The following GLRA2 variants were observed in gnomAD, a reference collection of about 807,000 sequenced individuals.
GLRA2 encodes glycine receptor alpha 2.
In GLRA2, 11 loss-of-function variants were observed where a neutral mutation model predicts 31.6. The observed-to-expected ratio is 0.35, with a 90% confidence interval of 0.22 to 0.58. GLRA2 has a LOEUF of 0.58. Ranked by LOEUF, GLRA2 falls within the 20% of genes least tolerant of loss-of-function variation. GLRA2 has a pLI of 0.84. For missense variants in GLRA2, 212 were observed against 351.8 expected (o/e 0.60, Z 3.18); for synonymous variants, 132 against 134.0 (o/e 0.99, Z 0.10).
intron 5 of GLRA2, among the ~76,000 whole-genome samples, chrX:14,606,155 TAA>T (rs35835313): frequency 0.24 from 21,558 of 88,622 alleles, 2,064 homozygotes; most frequent in Non-Finnish European, 0.3. Context: ...TCCATAAACT[TAA>T]AAAAAAAAAA....
intron 7 of GLRA2, among the ~76,000 whole-genome samples, chrX:14,673,014 A>C (rs943893895): frequency 6.3e-5 from 7 of 111,588 alleles, no homozygotes; most frequent in African/African-American, 2.3e-4. Flanking sequence ...AGCTGACACT[A>C]AATCAGTCCA....
the GLRA2 span, among the ~76,000 whole-genome samples, chrX:14,460,891 C>T: frequency 9.1e-6 from 1 of 110,140 alleles, no homozygotes; most frequent in Admixed American, 9.7e-5. Flanking sequence ...TATTTCTTGT[C>T]TTCTGCTAGC....
the GLRA2 span, among the ~76,000 whole-genome samples, chrX:14,507,693 T>C: frequency 1.4e-5 from 1 of 71,228 alleles, no homozygotes; most frequent in Non-Finnish European, 2.9e-5. Context: ...GACATTCTTT[T>C]TTTTTTTTTT....
At chrX:14,717,115 C>T (rs1009604070) in intron 8 of GLRA2, among the ~76,000 whole-genome samples, 2 of 111,281 alleles carry the variant, frequency 1.8e-5, no homozygotes, top group African/African-American at 6.5e-5. Context: ...CCAGTGCCTG[C>T]CCTATAATAG....
At chrX:14,491,233 T>C in the GLRA2 span, among the ~76,000 whole-genome samples, 36 of 111,908 alleles carry the variant, frequency 3.2e-4, no homozygotes, top group African/African-American at 1.0e-3. Context: ...ATTCTGTCCA[T>C]TTGCTGTAAA....
chrX:14,648,387 A>C (rs1399623998), intron 7 of GLRA2, among the ~76,000 whole-genome samples: 4 of 112,195 alleles, frequency 3.6e-5, no homozygotes, highest in Non-Finnish European at 7.5e-5. Flanking sequence ...TCTTGAATAA[A>C]CATAGATCTA....
chrX:14,602,418 C>CT (rs1162348713), intron 4 of GLRA2, among the ~76,000 whole-genome samples: 102 of 106,150 alleles, frequency 9.6e-4, no homozygotes, highest in African/African-American at 2.3e-3. Flanking sequence ...TTTGTTTTTC[C>CT]TTTTTTTTTC....
intron 8 of GLRA2, among the ~76,000 whole-genome samples, chrX:14,708,618 T>C (rs1195962839): frequency 9.0e-6 from 1 of 111,565 alleles, no homozygotes; most frequent in Non-Finnish European, 1.9e-5. Context: ...ATCTGCCCAA[T>C]TATACAGCAC....
At chrX:14,579,778 C>T (rs980282541) in intron 3 of GLRA2, among the ~76,000 whole-genome samples, 5 of 111,956 alleles carry the variant, frequency 4.5e-5, no homozygotes, top group African/African-American at 1.6e-4. Context: ...CTCGCACAGA[C>T]TTGAGATTAG....
intron 4 of GLRA2, among the ~76,000 whole-genome samples, chrX:14,590,713 T>G (rs1329887729): frequency 1.8e-5 from 2 of 112,304 alleles, no homozygotes; most frequent in Non-Finnish European, 3.8e-5. Context: ...TTATTTATCT[T>G]TATGTTCTAT....
intron 8 of GLRA2, among the ~76,000 whole-genome samples, chrX:14,703,219 C>G (rs1339666492): frequency 9.0e-6 from 1 of 111,447 alleles, no homozygotes; most frequent in Non-Finnish European, 1.9e-5. Context: ...AATAAACAAC[C>G]AAGGGGACAA....
chrX:14,692,639 C>A (rs2091377592), intron 8 of GLRA2, among the ~76,000 whole-genome samples: 1 of 111,411 alleles, frequency 9.0e-6, no homozygotes, highest in Non-Finnish European at 1.9e-5. Context: ...GAATCTGTAC[C>A]CTTAATAAGC....
intron 7 of GLRA2, among the ~76,000 whole-genome samples, chrX:14,635,384 G>T (rs1409490213): frequency 1.8e-5 from 2 of 111,915 alleles, no homozygotes; most frequent in Admixed American, 9.5e-5. Context: ...CTGAGAAAAT[G>T]AAGACAGCAA....
intron 7 of GLRA2, among the ~76,000 whole-genome samples, chrX:14,619,730 A>G (rs1379283691): frequency 9.0e-6 from 1 of 110,794 alleles, no homozygotes; most frequent in Non-Finnish European, 1.9e-5. Flanking sequence ...TAGCAACACT[A>G]TCATTTATAT....
chrX:14,552,660 C>T (rs1198738438), intron 2 of GLRA2, among the ~76,000 whole-genome samples: 1 of 111,849 alleles, frequency 8.9e-6, no homozygotes, highest in Non-Finnish European at 1.9e-5. Flanking sequence ...GAGAGGTATG[C>T]ATCAACCCAA....
At chrX:14,490,258 T>C in the GLRA2 span, among the ~76,000 whole-genome samples, 1 of 112,111 alleles carries the variant, frequency 8.9e-6, no homozygotes, top group Admixed American at 9.5e-5. Context: ...TCTGATTAAA[T>C]AGCCAACATT....
At chrX:14,450,993 C>A in the GLRA2 span, among the ~76,000 whole-genome samples, 7 of 111,436 alleles carry the variant, frequency 6.3e-5, no homozygotes, top group Non-Finnish European at 1.3e-4. Context: ...AGCCAACATG[C>A]CCAGTCCTAT....
At chrX:14,694,713 C>T (rs1181394017) in intron 8 of GLRA2, among the ~76,000 whole-genome samples, 4 of 112,296 alleles carry the variant, frequency 3.6e-5, no homozygotes, top group African/African-American at 1.3e-4. Flanking sequence ...TTACTATGTG[C>T]CAGGCACTGT....
chrX:14,640,296 C>CA (rs1009654798), intron 7 of GLRA2, among the ~76,000 whole-genome samples: 38 of 110,290 alleles, frequency 3.4e-4, no homozygotes, highest in Non-Finnish European at 6.8e-4. Flanking sequence ...AAACTCATCA[C>CA]AAAAAAACGT....
Sources: allele counts gnomAD v4.1 joint callset (sites outside exome capture counted in the v4.1 genomes callset), GRCh38; gene constraint gnomAD v4.1.1; transcripts MANE v1.5; gene names NCBI Gene and HGNC (gene_info 2026-07-23, HGNC 2026-07-21).